SMOC1: variants seen among roughly 807,000 people sequenced by gnomAD.
The protein encoded by SMOC1 is SPARC-related modular calcium-binding protein 1.
SMOC1 carries 22 observed loss-of-function variants against 56.3 expected under a neutral mutation model. The observed-to-expected ratio is 0.39, with a 90% CI of 0.28 to 0.56. The LOEUF is 0.56. Ranked by LOEUF, SMOC1 falls within the 20% of genes least tolerant of loss-of-function variation. SMOC1 has a pLI of 0.61. For missense variants in SMOC1, 509 were observed against 565.4 expected, an observed-to-expected ratio of 0.90 and a Z score of 1.01; for synonymous variants, 193 against 215.0, an observed-to-expected ratio of 0.90 and a Z score of 0.89.
At chr14:70,019,256 C>T (rs11847923) in intron 10 of SMOC1, among the ~76,000 whole-genome samples, 23,396 of 152,216 alleles carry the variant, frequency 0.15, 1,970 homozygotes, top group Non-Finnish European at 0.16. Context: ...ACAAAAACAG[C>T]CCAGAGGTAG....
chr14:69,909,554 A>G (rs1884501176), intron 1 of SMOC1, among the ~76,000 whole-genome samples: 1 of 152,176 alleles, frequency 6.6e-6, no homozygotes, highest in Admixed American at 6.5e-5. Flanking sequence ...TTGGGAAAGG[A>G]TGATTTCTGG....
At chr14:70,021,242 T>C (rs980644030) in intron 10 of SMOC1, among the ~76,000 whole-genome samples, 1 of 151,978 alleles carries the variant, frequency 6.6e-6, no homozygotes, top group Non-Finnish European at 1.5e-5. Flanking sequence ...TCCCTGCTGT[T>C]TGGGGAAAGG....
chr14:69,984,927 A>G (rs943527106), intron 5 of SMOC1, among the ~76,000 whole-genome samples: 1 of 151,970 alleles, frequency 6.6e-6, no homozygotes, highest in Non-Finnish European at 1.5e-5. Flanking sequence ...CTGTAATCCC[A>G]GCTACTCGGA....
intron 10 of SMOC1, among the ~76,000 whole-genome samples, chr14:70,017,674 A>G (rs1476398167): frequency 2.0e-5 from 3 of 152,170 alleles, no homozygotes; most frequent in Non-Finnish European, 1.5e-5. Flanking sequence ...TTGGCTTTGC[A>G]TCAGCTCTCA....
intron 2 of SMOC1, among the ~76,000 whole-genome samples, chr14:69,952,576 CTTAAAA>C (rs540740940): frequency 2.8e-4 from 43 of 152,322 alleles, no homozygotes; most frequent in Middle Eastern, 6.8e-3. Context: ...TATGGAGATG[CTTAAAA>C]CCGCAAGACA....
intron 10 of SMOC1, among the ~76,000 whole-genome samples, chr14:70,014,393 T>C (rs1179098773): frequency 6.6e-6 from 1 of 152,184 alleles, no homozygotes; most frequent in East Asian, 1.9e-4. Context: ...AGGACTTATC[T>C]ACCTATCAAA....
intron 11 of SMOC1, among the ~76,000 whole-genome samples, chr14:70,026,429 T>G (rs759123282): frequency 3.9e-5 from 6 of 152,216 alleles, no homozygotes; most frequent in Non-Finnish European, 5.9e-5. Flanking sequence ...CTGAAGCCTT[T>G]CCAGGCACCA....
At chr14:69,880,408 G>C (rs1883605500) in intron 1 of SMOC1, among the ~76,000 whole-genome samples, 2 of 152,180 alleles carry the variant, frequency 1.3e-5, no homozygotes, top group African/African-American at 2.4e-5. Flanking sequence ...CTCCCCCTGG[G>C]TTCAGTGCTG....
intron 1 of SMOC1, among the ~76,000 whole-genome samples, chr14:69,913,531 T>C (rs1884610808): frequency 6.6e-6 from 1 of 152,178 alleles, no homozygotes; most frequent in South Asian, 2.1e-4. Flanking sequence ...ATATATTCCT[T>C]GCTTTTCTAA....
Position 69,994,415 on chromosome 14 carries a change from C to A in SMOC1, c.599C>A (p.Thr200Asn), listed in dbSNP as rs779654386. 7.4e-6 allele frequency: 12 copies of A among 1,613,966 alleles called. No individual in the cohort carries two copies. Among genetic ancestry groups the A allele is most frequent in the East Asian group, 2.2e-5 (1 of 44,884 alleles). Residue 200 changes from threonine (T) to asparagine (N), a missense_variant, in exon 7 of 12, where the codon ACT becomes AAT. By Grantham distance (65) the Thr-to-Asn change is moderately conservative. Transcript: ENST00000361956. ...TCACCCCTAGAAATCACAGCCCCAA[C>A]TCTATGGATTAAACACTTGGTGATC... ...VFDGDEITAPTLWIKHLVIKD... is the reference protein window; with the variant it reads ...VFDGDEITAPNLWIKHLVIKD...
chr14:69,983,056 C>T (rs1457924500), intron 5 of SMOC1, among the ~76,000 whole-genome samples: 1 of 152,186 alleles, frequency 6.6e-6, no homozygotes, highest in Non-Finnish European at 1.5e-5. Flanking sequence ...TACCATGTCT[C>T]CCTCCTTCCC....
At chr14:69,987,897 T>C (rs1376558421) in intron 5 of SMOC1, among the ~76,000 whole-genome samples, 1 of 152,172 alleles carries the variant, frequency 6.6e-6, no homozygotes, top group African/African-American at 2.4e-5. Context: ...ATGCGGGGGC[T>C]GCAACTTTCT....
intron 11 of SMOC1, 39 bp from the exon 12 acceptor site, chr14:70,030,203 T>G: frequency 1.5e-5 from 1 of 64,822 alleles, no homozygotes; most frequent in South Asian, 2.0e-4. Context: ...GCCCCCGACC[T>G]TTTTTTTTTT....
chr14:69,922,427 G>A (rs552981365), intron 1 of SMOC1, among the ~76,000 whole-genome samples: 4 of 152,290 alleles, frequency 2.6e-5, no homozygotes, highest in Admixed American at 2.6e-4. Context: ...CCCAAGGCTA[G>A]CTGAACTCTT....
chr14:69,961,613 C>T (rs2139464763), intron 3 of SMOC1, among the ~76,000 whole-genome samples: 1 of 152,158 alleles, frequency 6.6e-6, no homozygotes, highest in African/African-American at 2.4e-5. Flanking sequence ...AACTCCTGAG[C>T]TCAAATGATA....
intron 3 of SMOC1, among the ~76,000 whole-genome samples, chr14:69,970,800 G>A (rs1883735584): frequency 6.6e-6 from 1 of 152,182 alleles, no homozygotes; most frequent in Non-Finnish European, 1.5e-5. Flanking sequence ...GTGGTAGCCT[G>A]CCACATCCTT....
intron 5 of SMOC1, among the ~76,000 whole-genome samples, chr14:69,989,979 G>A (rs1884504107): frequency 6.6e-6 from 1 of 152,360 alleles, no homozygotes; most frequent in Non-Finnish European, 1.5e-5. Flanking sequence ...AGGGCATCTT[G>A]TCTTTTCTCA....
intron 7 of SMOC1, among the ~76,000 whole-genome samples, chr14:70,001,850 A>G (rs1388370870): frequency 6.6e-6 from 1 of 152,252 alleles, no homozygotes; most frequent in East Asian, 1.9e-4. Context: ...AAGGTCACAG[A>G]GAAAACAAGG....
intron 4 of SMOC1, 56 bp downstream of exon 4, chr14:69,975,870 G>T: frequency 7.9e-7 from 1 of 1,268,608 alleles, no homozygotes; most frequent in Non-Finnish European, 1.1e-6. Context: ...CCCGTTGGTT[G>T]GTCTCCTGCA....
Sources: allele counts gnomAD v4.1 joint callset (sites outside exome capture counted in the v4.1 genomes callset), GRCh38; gene constraint gnomAD v4.1.1; transcripts MANE v1.5; gene names NCBI Gene and HGNC (gene_info 2026-07-23, HGNC 2026-07-21).